TRAPPC9: variants seen among roughly 807,000 people sequenced by gnomAD.
TRAPPC9 encodes the protein IKK2 binding protein.
TRAPPC9 carries 83 observed loss-of-function variants against 124.0 expected under a neutral mutation model. That is an observed-to-expected ratio of 0.67 (90% CI 0.56 to 0.80). TRAPPC9 has a LOEUF of 0.80. TRAPPC9 is among the 30% of genes least tolerant of loss of function. The pLI is 0.00. For synonymous variants in TRAPPC9, 638 were observed against 617.5 expected, an observed-to-expected ratio of 1.03 and a Z score of -0.49; for missense variants, 1,302 against 1,508.3, an observed-to-expected ratio of 0.86 and a Z score of 2.27.
chr8:140,063,216 A>T lies in TRAPPC9; in HGVS notation c.2557-39137T>A, dbSNP rs902150751. ...TTGATACATGGGGCTTATGGAGATT[A>T]TAATTTACAGTGAGATTCGGGTGGG... is the stretch of plus-strand genomic sequence containing the variant. On this transcript the variant is annotated intron_variant, in intron 17 of 22. Coordinates refer to ENST00000438773, the MANE Select transcript of TRAPPC9 (RefSeq NM_001160372.4). This position sits in a 1 kb window ranked among gnomAD's most constrained non-coding sequence, Gnocchi z 4.3. Among the ~76,000 whole-genome samples, 15 of 152,292 alleles carry T rather than the reference A, an allele frequency of 9.8e-5. No individual in the cohort carries two copies. The highest frequency in any genetic ancestry group is 9.8e-4 in the Admixed American group (15 of 15,302).
chr8:140,445,570 G>A (rs2071218704), intron 2 of TRAPPC9, among the ~76,000 whole-genome samples: 1 of 152,194 alleles, frequency 6.6e-6, no homozygotes, highest in African/African-American at 2.4e-5. Flanking sequence ...CATGGATCCT[G>A]GGAGCCAGTG....
chr8:140,102,890 T>C (rs1387317733), intron 17 of TRAPPC9, among the ~76,000 whole-genome samples: 1 of 152,158 alleles, frequency 6.6e-6, no homozygotes, highest in African/African-American at 2.4e-5. Flanking sequence ...AGGATAAAGC[T>C]CAACCCCCCA....
intron 17 of TRAPPC9, among the ~76,000 whole-genome samples, chr8:140,155,406 C>T (rs1433468404): frequency 6.6e-6 from 1 of 152,208 alleles, no homozygotes; most frequent in East Asian, 1.9e-4. Context: ...GACGCCACAG[C>T]CACCACACAG....
At chr8:140,005,466 A>C (rs537777942) in intron 18 of TRAPPC9, among the ~76,000 whole-genome samples, 2 of 152,292 alleles carry the variant, frequency 1.3e-5, no homozygotes, top group East Asian at 3.9e-4. Context: ...ACTGAGTATA[A>C]TTCTAAGCGG....
At chr8:140,351,622 T>C (rs1318810893) in intron 9 of TRAPPC9, among the ~76,000 whole-genome samples, 1 of 152,044 alleles carries the variant, frequency 6.6e-6, no homozygotes, top group Non-Finnish European at 1.5e-5. Context: ...TAAAAATAAA[T>C]AAATAAACAA....
Position 140,003,430 on chromosome 8 carries a change from G to A in TRAPPC9, c.2700-14594C>T, listed in dbSNP as rs558468919. Among the ~76,000 whole-genome samples, 7 of 151,836 alleles carry A rather than the reference G, an allele frequency of 4.6e-5. No homozygotes were observed. The East Asian group carries it at 5.8e-4, about 13-fold the overall frequency. ...TGTGAACAACAAAAACCAAAACCTCGTCTCTGCTAAAAATACAAAAAATTA... is the reference window on the plus strand; with the variant it reads ...TGTGAACAACAAAAACCAAAACCTCATCTCTGCTAAAAATACAAAAAATTA... On this transcript the variant is annotated intron_variant, in intron 18 of 22. Coordinates refer to ENST00000438773, the MANE Select transcript of TRAPPC9 (RefSeq NM_001160372.4).
intron 15 of TRAPPC9, among the ~76,000 whole-genome samples, chr8:140,266,185 G>C (rs1453577286): frequency 6.6e-6 from 1 of 152,154 alleles, no homozygotes. Flanking sequence ...GGCCAGGCAT[G>C]GTGGGTCACG....
At chr8:140,055,888 G>C (rs1471364392) in intron 17 of TRAPPC9, among the ~76,000 whole-genome samples, 1 of 152,004 alleles carries the variant, frequency 6.6e-6, no homozygotes, top group East Asian at 1.9e-4. Context: ...CGTATTCATA[G>C]ATTGAAAAAA....
intron 7 of TRAPPC9, among the ~76,000 whole-genome samples, chr8:140,395,540 A>G (rs569943672): frequency 3.9e-5 from 6 of 152,280 alleles, no homozygotes; most frequent in Admixed American, 2.0e-4. Context: ...TAAACATTAT[A>G]AAGTACCAAA....
chr8:139,906,157 A>G (rs1319995530), intron 20 of TRAPPC9, among the ~76,000 whole-genome samples: 1 of 152,218 alleles, frequency 6.6e-6, no homozygotes, highest in East Asian at 1.9e-4. Context: ...CCATTAGCTC[A>G]TCCGGTCAGG....
chr8:139,829,089 T>C (rs1467003031), intron 21 of TRAPPC9, among the ~76,000 whole-genome samples: 1 of 152,242 alleles, frequency 6.6e-6, no homozygotes, highest in Non-Finnish European at 1.5e-5. Context: ...TTCTCTTTCC[T>C]TGTTCCTGTA....
intron 7 of TRAPPC9, among the ~76,000 whole-genome samples, chr8:140,374,334 C>T (rs1019851045): frequency 1.3e-5 from 2 of 152,192 alleles, no homozygotes. Context: ...CTTTGGGAGG[C>T]CGAGGCAGGC....
chr8:140,452,509 C>G (rs1355435509), intron 1 of TRAPPC9, among the ~76,000 whole-genome samples: 2 of 151,624 alleles, frequency 1.3e-5, no homozygotes, highest in African/African-American at 4.8e-5. Flanking sequence ...ATGTAAAGGG[C>G]CTAGCATTGT....
intron 15 of TRAPPC9, among the ~76,000 whole-genome samples, 169 bp from the exon 16 acceptor site, chr8:140,253,098 A>C (rs1416278289): frequency 6.7e-6 from 1 of 148,908 alleles, no homozygotes; most frequent in African/African-American, 2.5e-5. Context: ...GAAGTGTTGC[A>C]AGGCAATCAC....
intron 17 of TRAPPC9, among the ~76,000 whole-genome samples, chr8:140,187,479 T>C (rs1318348077): frequency 6.6e-6 from 1 of 152,208 alleles, no homozygotes; most frequent in African/African-American, 2.4e-5. Context: ...CTCAAGGCTA[T>C]ACTTCCTGAA....
chr8:140,129,179 C>T lies in TRAPPC9; in HGVS notation c.2556+92280G>A, dbSNP rs183554551. ...TGTTTCTTTAACAACAGATTGGTGT[C>T]CATCTCCTTTCTGAACAAGGCAGGC... On this transcript the variant is annotated intron_variant, in intron 17 of 22. Coordinates refer to ENST00000438773, the MANE Select transcript of TRAPPC9 (RefSeq NM_001160372.4). 5.3e-5 allele frequency among the ~76,000 whole-genome samples: 8 copies of T among 152,168 alleles called. No homozygotes were observed. In the East Asian group the frequency reaches 1.5e-3, roughly 29 times the overall value.
chr8:140,273,643 C>A (rs775133388), intron 15 of TRAPPC9, among the ~76,000 whole-genome samples: 3 of 152,158 alleles, frequency 2.0e-5, no homozygotes, highest in Non-Finnish European at 2.9e-5. Flanking sequence ...TCCTGCTGCT[C>A]CAGGCATCTG....
intron 21 of TRAPPC9, among the ~76,000 whole-genome samples, chr8:139,838,903 GGAGTGTAGCTGAGGATC>G (rs1385470247): frequency 2.0e-5 from 3 of 152,242 alleles, no homozygotes; most frequent in African/African-American, 7.2e-5. Flanking sequence ...GATGTTACCA[GGAGTGTAGCTGAGGATC>G]CAGGTCAGCT....
chr8:140,428,861 C>T (rs552761261), intron 4 of TRAPPC9, among the ~76,000 whole-genome samples: 3 of 152,214 alleles, frequency 2.0e-5, no homozygotes, highest in South Asian at 2.1e-4. Context: ...ATGATTAATG[C>T]AAACCGCAGT....
Sources: gnomAD v4.1 joint callset for allele counts (sites outside exome capture counted in the v4.1 genomes callset) on GRCh38, gnomAD v4.1.1 for gene constraint, Gnocchi (gnomAD v3.1) non-coding constraint, MANE v1.5 for transcripts, NCBI Gene and HGNC (gene_info 2026-07-23, HGNC 2026-07-21) for gene names.